Variants in MAGI2 observed in about 807,000 individuals in gnomAD.
MAGI2 encodes membrane-associated guanylate kinase, WW and PDZ domain-containing protein 2.
A neutral mutation model predicts 133.3 loss-of-function variants in MAGI2; 35 were observed. The ratio of observed to expected loss-of-function variants is 0.26; its 90% CI spans 0.20 to 0.35. The LOEUF is 0.35. MAGI2 is among the 10% of genes least tolerant of loss of function. The probability of loss-of-function intolerance (pLI) is 1.00; values close to 1 mark genes in which losing one functional copy is unlikely to be tolerated. For synonymous variants in MAGI2, 729 were observed against 710.6 expected, an observed-to-expected ratio of 1.03 and a Z score of -0.41; for missense variants, 1,636 against 1,863.4, an observed-to-expected ratio of 0.88 and a Z score of 2.25.
chr7:79,040,556 T>C (rs1811564927), intron 1 of MAGI2, among the ~76,000 whole-genome samples: 1 of 152,158 alleles, frequency 6.6e-6, no homozygotes, highest in South Asian at 2.1e-4. Flanking sequence ...AGTTTGGTTC[T>C]GTGTACCTAC....
At chr7:79,229,503 T>G (rs1360923005) in intron 1 of MAGI2, among the ~76,000 whole-genome samples, 1 of 152,178 alleles carries the variant, frequency 6.6e-6, no homozygotes, top group South Asian at 2.1e-4. Context: ...AAAAACATAC[T>G]GTTTTTGAAT....
chr7:78,340,376 T>C (rs1790238202), intron 9 of MAGI2, among the ~76,000 whole-genome samples: 1 of 152,126 alleles, frequency 6.6e-6, no homozygotes, highest in Non-Finnish European at 1.5e-5. Flanking sequence ...CTATCAGAGA[T>C]ACAAAGAGGA....
At chr7:78,467,502 C>T (rs952631314) in intron 6 of MAGI2, among the ~76,000 whole-genome samples, 4 of 151,722 alleles carry the variant, frequency 2.6e-5, no homozygotes, top group African/African-American at 9.7e-5. Flanking sequence ...AAATGTAAGT[C>T]AGAACTGAAA....
intron 2 of MAGI2, among the ~76,000 whole-genome samples, chr7:78,695,594 G>C (rs1156483848): frequency 2.0e-5 from 3 of 152,154 alleles, no homozygotes; most frequent in African/African-American, 4.8e-5. Flanking sequence ...TTCTATGCAA[G>C]AGTGAGTGAC....
At chr7:79,310,948 GCACACA>G (rs34744101) in intron 1 of MAGI2, among the ~76,000 whole-genome samples, 1 of 149,864 alleles carries the variant, frequency 6.7e-6, no homozygotes, top group South Asian at 2.1e-4. Context: ...ACACACACAT[GCACACA>G]CACACACACA....
At chr7:78,127,506 T>C (rs1416723010) in intron 18 of MAGI2, 90 bp from the exon 19 acceptor site, 18 of 884,162 alleles carry the variant, frequency 2.0e-5, no homozygotes, top group Non-Finnish European at 2.9e-5. Context: ...GGGCCAGCCA[T>C]GACAGCTCAC....
intron 2 of MAGI2, among the ~76,000 whole-genome samples, chr7:78,885,628 A>AGTGTGTGTCTGT (rs1554596774): frequency 6.7e-6 from 1 of 148,858 alleles, no homozygotes; most frequent in Non-Finnish European, 1.5e-5. Context: ...TGAAAGGAAT[A>AGTGTGTGTCTGT]GTGTGTGTGT....
intron 2 of MAGI2, among the ~76,000 whole-genome samples, chr7:78,942,242 T>C (rs552090463): frequency 1.3e-5 from 2 of 152,224 alleles, no homozygotes; most frequent in South Asian, 4.1e-4. Flanking sequence ...ATTCTTTTTA[T>C]TGGTTATGAA....
intron 2 of MAGI2, among the ~76,000 whole-genome samples, chr7:78,718,756 C>T (rs541490101): frequency 2.6e-5 from 4 of 151,902 alleles, no homozygotes; most frequent in Non-Finnish European, 4.4e-5. Flanking sequence ...TGAATCATCC[C>T]GAAACTATCC....
At chr7:78,498,310 A>G (rs1794311423) in intron 5 of MAGI2, among the ~76,000 whole-genome samples, 1 of 152,182 alleles carries the variant, frequency 6.6e-6, no homozygotes, top group African/African-American at 2.4e-5. Flanking sequence ...TGTCCTTAAG[A>G]CATGTCTTAT....
At chr7:78,730,039 G>A (rs10242163) in intron 2 of MAGI2, among the ~76,000 whole-genome samples, 56,670 of 151,938 alleles carry the variant, frequency 0.37, 10,971 homozygotes, top group Non-Finnish European at 0.43. Context: ...TCTCATTTGA[G>A]TATTCCTCTG....
At chr7:79,089,404 C>T (rs1230311179) in intron 1 of MAGI2, among the ~76,000 whole-genome samples, 1 of 152,070 alleles carries the variant, frequency 6.6e-6, no homozygotes, top group Non-Finnish European at 1.5e-5. Context: ...GGTGATTCCT[C>T]AAGGATCTAG....
At chr7:78,645,825 G>A (rs1264910962) in intron 2 of MAGI2, among the ~76,000 whole-genome samples, 3 of 150,022 alleles carry the variant, frequency 2.0e-5, no homozygotes, top group Admixed American at 6.7e-5. Context: ...TACAACCTCC[G>A]CCTACCAGGC....
chr7:78,440,907 C>T (rs1020968105), intron 6 of MAGI2, among the ~76,000 whole-genome samples: 1 of 152,034 alleles, frequency 6.6e-6, no homozygotes. Flanking sequence ...GAGCTGAGAT[C>T]GCACCACTGC....
intron 2 of MAGI2, among the ~76,000 whole-genome samples, chr7:78,718,022 A>T (rs1035112393): frequency 2.0e-5 from 3 of 152,042 alleles, no homozygotes; most frequent in Non-Finnish European, 4.4e-5. Flanking sequence ...CATTTTTTTC[A>T]CTATTTCTTT....
chr7:78,294,615 C>G (rs913923202), intron 9 of MAGI2, among the ~76,000 whole-genome samples: 1 of 152,138 alleles, frequency 6.6e-6, no homozygotes. Flanking sequence ...AATAGAGTCT[C>G]TCTTCTTTTA....
intron 6 of MAGI2, among the ~76,000 whole-genome samples, chr7:78,426,382 T>G (rs928440603): frequency 2.2e-4 from 34 of 151,814 alleles, no homozygotes; most frequent in African/African-American, 7.5e-4. Flanking sequence ...CCGCATATTC[T>G]CACTCATAGG....
intron 3 of MAGI2, among the ~76,000 whole-genome samples, chr7:78,624,907 C>T (rs1411682925): frequency 6.6e-6 from 1 of 151,922 alleles, no homozygotes; most frequent in East Asian, 1.9e-4. Context: ...GGAGTGTATT[C>T]CTTCTACTTA....
intron 1 of MAGI2, among the ~76,000 whole-genome samples, chr7:79,429,302 A>AC (rs1298971180): frequency 2.0e-5 from 3 of 151,800 alleles, no homozygotes; most frequent in Non-Finnish European, 4.4e-5. Flanking sequence ...TTTAATTTCT[A>AC]CTTTTTTTTT....
Sources: allele counts gnomAD v4.1 joint callset (sites outside exome capture counted in the v4.1 genomes callset), GRCh38; gene constraint gnomAD v4.1.1; transcripts MANE v1.5; gene names NCBI Gene and HGNC (gene_info 2026-07-23, HGNC 2026-07-21).